Variants in ASIC2 observed in about 807,000 individuals in gnomAD.
The protein encoded by ASIC2 is acid sensing ion channel subunit 2.
Under a neutral mutation model 57.3 loss-of-function variants are expected in ASIC2, and 25 were observed. The observed-to-expected ratio is 0.44, with a 90% CI of 0.32 to 0.61. The LOEUF (loss-of-function observed/expected upper bound fraction) is 0.61, where lower values mean the gene tolerates loss of function less well. Among genes scored for constraint, ASIC2 ranks in the 20% least tolerant of loss-of-function variants. The probability of loss-of-function intolerance (pLI) is 0.06; values close to 1 mark genes in which losing one functional copy is unlikely to be tolerated. For synonymous variants in ASIC2, 319 were observed against 307.5 expected, an observed-to-expected ratio of 1.04 and a Z score of -0.39; for missense variants, 641 against 738.1, an observed-to-expected ratio of 0.87 and a Z score of 1.52.
intron 1 of ASIC2, among the ~76,000 whole-genome samples, chr17:33,602,995 G>A (rs1905145957): frequency 6.6e-6 from 1 of 152,208 alleles, no homozygotes; most frequent in African/African-American, 2.4e-5. Context: ...CAGAGAGGGA[G>A]CTGGAGGGCA....
intron 1 of ASIC2, among the ~76,000 whole-genome samples, chr17:33,438,876 G>T (rs1444781266): frequency 1.4e-5 from 2 of 147,796 alleles, no homozygotes; most frequent in Admixed American, 6.8e-5. Context: ...TTGAGACAGG[G>T]TCTTGCTCTG....
intron 1 of ASIC2, among the ~76,000 whole-genome samples, chr17:33,613,374 T>A (rs1046619227): frequency 7.4e-5 from 11 of 148,898 alleles, no homozygotes; most frequent in Admixed American, 6.0e-4. Context: ...GTATTCTTTT[T>A]TTTTTTTTTT....
chr17:34,039,934 C>T (rs1908045119), intron 1 of ASIC2: 1 of 1,423,540 alleles, frequency 7.0e-7, no homozygotes, highest in Non-Finnish European at 9.8e-7. Flanking sequence ...CCGACCCGAC[C>T]CGGCTGCGGA....
intron 1 of ASIC2, among the ~76,000 whole-genome samples, chr17:33,360,847 C>T (rs1409511831): frequency 1.3e-5 from 2 of 152,264 alleles, no homozygotes; most frequent in East Asian, 3.9e-4. Context: ...GAACCTGTCT[C>T]CTAGGGATGG....
chr17:33,764,835 G>GA (rs150544877), intron 1 of ASIC2, among the ~76,000 whole-genome samples: 7,237 of 152,176 alleles, frequency 0.048, 540 homozygotes, highest in African/African-American at 0.16. Flanking sequence ...ATGTAAGATG[G>GA]AAACCAAGCC....
chr17:33,521,249 G>T (rs1246399477), intron 1 of ASIC2, among the ~76,000 whole-genome samples: 1 of 152,146 alleles, frequency 6.6e-6, no homozygotes, highest in Non-Finnish European at 1.5e-5. Context: ...ACTGTCGTCG[G>T]CCAAGGGGTA....
chr17:33,392,987 C>T (rs1422733410), intron 1 of ASIC2, among the ~76,000 whole-genome samples: 2 of 152,012 alleles, frequency 1.3e-5, no homozygotes, highest in African/African-American at 4.8e-5. Flanking sequence ...TTTTTCTTAT[C>T]TCTTTCTCAA....
At chr17:33,642,061 G>A (rs1306588840) in intron 1 of ASIC2, among the ~76,000 whole-genome samples, 1 of 152,134 alleles carries the variant, frequency 6.6e-6, no homozygotes, top group African/African-American at 2.4e-5. Flanking sequence ...ATTCAGCTGT[G>A]GCTATTATCA....
intron 1 of ASIC2, among the ~76,000 whole-genome samples, chr17:33,624,544 A>G (rs1300532939): frequency 2.0e-5 from 3 of 152,238 alleles, no homozygotes; most frequent in African/African-American, 4.8e-5. Context: ...AGGTATGGGT[A>G]AGGATTCTAG....
At chr17:34,057,228 G>C (rs997345935) in intron 1 of ASIC2, among the ~76,000 whole-genome samples, 2 of 152,192 alleles carry the variant, frequency 1.3e-5, no homozygotes, top group Non-Finnish European at 2.9e-5. Context: ...ACATTCCTCT[G>C]TTAAATATTC....
chr17:33,301,486 G>C (rs1905957815), intron 1 of ASIC2, among the ~76,000 whole-genome samples: 1 of 152,136 alleles, frequency 6.6e-6, no homozygotes, highest in Admixed American at 6.6e-5. Context: ...TGGCTCTAGA[G>C]CATCAGACCT....
At chr17:34,146,831 AC>A (rs1912433375) in intron 1 of ASIC2, 1 of 152,152 alleles carries the variant, frequency 6.6e-6, no homozygotes, top group Non-Finnish European at 1.5e-5. Context: ...CGCATGGAAG[AC>A]CCAGAGTGTA....
chr17:33,146,101 G>C (rs1177837041), intron 1 of ASIC2, among the ~76,000 whole-genome samples: 1 of 152,176 alleles, frequency 6.6e-6, no homozygotes, highest in Non-Finnish European at 1.5e-5. Flanking sequence ...AATGGCCCCA[G>C]GCAGGTGCTA....
intron 1 of ASIC2, among the ~76,000 whole-genome samples, chr17:33,308,770 T>A (rs1906283252): frequency 6.6e-6 from 1 of 152,200 alleles, no homozygotes; most frequent in South Asian, 2.1e-4. Context: ...CAGTACTGCC[T>A]ACATACCAAC....
intron 1 of ASIC2, among the ~76,000 whole-genome samples, chr17:33,938,403 C>A (rs2141976818): frequency 6.6e-6 from 1 of 152,302 alleles, no homozygotes; most frequent in African/African-American, 2.4e-5. Flanking sequence ...GTCCATTTAG[C>A]TGGTGAGGGC....
At chr17:33,538,183 T>C (rs1349318134) in intron 1 of ASIC2, among the ~76,000 whole-genome samples, 1 of 152,230 alleles carries the variant, frequency 6.6e-6, no homozygotes, top group African/African-American at 2.4e-5. Flanking sequence ...CTTTTTATTG[T>C]CTATATCCTT....
chr17:33,123,623 G>T (rs543900143), intron 1 of ASIC2, among the ~76,000 whole-genome samples: 1 of 152,174 alleles, frequency 6.6e-6, no homozygotes, highest in Non-Finnish European at 1.5e-5. Flanking sequence ...CTTCTGGAAC[G>T]TTTCTTGGGC....
At chr17:33,750,314 A>G (rs1010627264) in intron 1 of ASIC2, among the ~76,000 whole-genome samples, 3 of 152,146 alleles carry the variant, frequency 2.0e-5, no homozygotes, top group African/African-American at 7.2e-5. Context: ...TTAAATGAAC[A>G]GATTGCAAGG....
chr17:33,985,607 G>A (rs1326888084), intron 1 of ASIC2, among the ~76,000 whole-genome samples: 1 of 152,202 alleles, frequency 6.6e-6, no homozygotes, highest in Non-Finnish European at 1.5e-5. Context: ...GAACCACCAG[G>A]GAAAGAGGGC....
Sources: allele counts gnomAD v4.1 joint callset (sites outside exome capture counted in the v4.1 genomes callset), GRCh38; gene constraint gnomAD v4.1.1; transcripts MANE v1.5; gene names NCBI Gene and HGNC (gene_info 2026-07-23, HGNC 2026-07-21).